The following OR51B5 variants were observed in gnomAD, a reference collection of about 807,000 sequenced individuals.
The protein encoded by OR51B5 is olfactory receptor family 51 subfamily B member 5, also known as olfactory receptor 51B5.
For missense variants in OR51B5, 456 were observed against 374.6 expected, an observed-to-expected ratio of 1.22 and a Z score of -1.79; for synonymous variants, 186 against 144.8, an observed-to-expected ratio of 1.28 and a Z score of -2.04.
At chr11:5,394,820 G>T (rs1056616062) in intron 1 of OR51B5, among the ~76,000 whole-genome samples, 6 of 152,178 alleles carry the variant, frequency 3.9e-5, no homozygotes, top group Admixed American at 6.5e-5. Context: ...CTTTCTGAAA[G>T]ACAGAGTTTG....
intron 1 of OR51B5, among the ~76,000 whole-genome samples, chr11:5,357,282 T>A (rs981978323): frequency 6.6e-6 from 1 of 151,732 alleles, no homozygotes; most frequent in African/African-American, 2.4e-5. Context: ...TGGAGGAAGA[T>A]CTACCAAGAA....
chr11:5,366,650 A>G (rs1849373478), intron 1 of OR51B5, among the ~76,000 whole-genome samples: 1 of 149,470 alleles, frequency 6.7e-6, no homozygotes, highest in African/African-American at 2.5e-5. Context: ...GGAGGAAGGA[A>G]GGGAAGGAAA....
At chr11:5,477,005 G>C (rs1244997856) in intron 1 of OR51B5, among the ~76,000 whole-genome samples, 1 of 152,154 alleles carries the variant, frequency 6.6e-6, no homozygotes, top group Non-Finnish European at 1.5e-5. Context: ...AATGCCTATA[G>C]TTAACAATAC....
chr11:5,439,666 G>T (rs1369103601), intron 1 of OR51B5, among the ~76,000 whole-genome samples: 1 of 152,150 alleles, frequency 6.6e-6, no homozygotes, highest in Admixed American at 6.5e-5. Flanking sequence ...TCGATGCAAA[G>T]CTGATGATAT....
intron 1 of OR51B5, among the ~76,000 whole-genome samples, chr11:5,397,542 C>G (rs1178737749): frequency 6.7e-6 from 1 of 150,158 alleles, no homozygotes; most frequent in Non-Finnish European, 1.5e-5. Context: ...ATTAAAAAGT[C>G]AGGAAACAAC....
intron 1 of OR51B5, among the ~76,000 whole-genome samples, chr11:5,435,447 G>A (rs766080700): frequency 6.6e-6 from 1 of 152,108 alleles, no homozygotes; most frequent in Non-Finnish European, 1.5e-5. Flanking sequence ...ATTATCTAAT[G>A]TCTGTATCCC....
upstream of OR51B5, among the ~76,000 whole-genome samples, chr11:5,343,799 A>AGTTGTAGTTT (rs1564912589): frequency 5.3e-5 from 8 of 152,326 alleles, no homozygotes; most frequent in African/African-American, 1.7e-4. Context: ...TCTCTTCAGA[A>AGTTGTAGTTT]AAAAAATTAT....
intron 1 of OR51B5, chr11:5,389,478 C>T (rs1849755618): frequency 4.3e-6 from 7 of 1,613,950 alleles, no homozygotes; most frequent in Non-Finnish European, 5.9e-6. Flanking sequence ...TTCTATCTCA[C>T]CAGCTTTCCT....
intron 1 of OR51B5, chr11:5,454,084 G>A (rs569682527): frequency 6.2e-7 from 1 of 1,614,078 alleles, no homozygotes; most frequent in Admixed American, 1.7e-5. Flanking sequence ...AGCATCTATG[G>A]ACTCTTTGTT....
chr11:5,479,698 C>A (rs1192242359), intron 1 of OR51B5, among the ~76,000 whole-genome samples: 1 of 150,170 alleles, frequency 6.7e-6, no homozygotes, highest in Non-Finnish European at 1.5e-5. Context: ...CAAAAAAAGG[C>A]AGGGGTTGCA....
chr11:5,406,106 A>C (rs1482541060), intron 1 of OR51B5, among the ~76,000 whole-genome samples: 1 of 152,206 alleles, frequency 6.6e-6, no homozygotes, highest in Non-Finnish European at 1.5e-5. Flanking sequence ...GGCTTAACAT[A>C]AAATGAGAAT....
chr11:5,424,340 CAAAA>C (rs1196587833), intron 1 of OR51B5, among the ~76,000 whole-genome samples: 1 of 151,474 alleles, frequency 6.6e-6, no homozygotes, highest in Non-Finnish European at 1.5e-5. Flanking sequence ...AAAGGGAAAA[CAAAA>C]CAAACAAACA....
chr11:5,347,350 G>T (rs546627547), upstream of OR51B5, among the ~76,000 whole-genome samples: 1 of 152,290 alleles, frequency 6.6e-6, no homozygotes, highest in East Asian at 1.9e-4. Flanking sequence ...AGATAGACTA[G>T]AGTCAATATA....
At chr11:5,471,635 C>CA (rs34498667) in intron 1 of OR51B5, among the ~76,000 whole-genome samples, 62,458 of 123,988 alleles carry the variant, frequency 0.5, 15,108 homozygotes, top group Non-Finnish European at 0.61. Flanking sequence ...GACTCTGTCT[C>CA]AAAAAAAAAA....
intron 1 of OR51B5, among the ~76,000 whole-genome samples, chr11:5,450,766 A>G (rs180759677): frequency 6.6e-6 from 1 of 152,328 alleles, no homozygotes; most frequent in East Asian, 1.9e-4. Context: ...AGACCTTGGT[A>G]AGAGAGAAGA....
chr11:5,447,610 A>AT (rs2133781386), intron 1 of OR51B5, among the ~76,000 whole-genome samples: 1 of 152,080 alleles, frequency 6.6e-6, no homozygotes, highest in Non-Finnish European at 1.5e-5. Context: ...CTTCTATACC[A>AT]TTTTTTGTGA....
chr11:5,441,185 G>T, intron 1 of OR51B5: 1 of 1,613,994 alleles, frequency 6.2e-7, no homozygotes, highest in Non-Finnish European at 8.5e-7. Context: ...ACTCCATGAA[G>T]GAGAAAGTGT....
At chr11:5,446,998 T>C (rs1185841022) in intron 1 of OR51B5, among the ~76,000 whole-genome samples, 3 of 152,084 alleles carry the variant, frequency 2.0e-5, no homozygotes, top group Admixed American at 6.6e-5. Flanking sequence ...CAACAGAATC[T>C]CTACTCCCTA....
At chr11:5,469,963 G>A (rs1008951092) in intron 1 of OR51B5, among the ~76,000 whole-genome samples, 2 of 152,010 alleles carry the variant, frequency 1.3e-5, no homozygotes, top group African/African-American at 4.8e-5. Flanking sequence ...CTTGTGGCTT[G>A]AACCCCTCAC....
Sources: gnomAD v4.1 joint callset for allele counts (sites outside exome capture counted in the v4.1 genomes callset) on GRCh38, gnomAD v4.1.1 for gene constraint, MANE v1.5 for transcripts, NCBI Gene and HGNC (gene_info 2026-07-23, HGNC 2026-07-21) for gene names.